Variants in GRIK4 observed in about 807,000 individuals in gnomAD.
GRIK4 encodes the protein glutamate receptor ionotropic, kainate 4.
GRIK4 carries 40 observed loss-of-function variants against 104.9 expected under a neutral mutation model. The observed-to-expected ratio is 0.38, with a 90% CI of 0.30 to 0.50. The LOEUF (loss-of-function observed/expected upper bound fraction) is 0.50, where lower values mean the gene tolerates loss of function less well. Ranked by LOEUF, GRIK4 falls within the 20% of genes least tolerant of loss-of-function variation. The probability of loss-of-function intolerance (pLI) is 0.93; values close to 1 mark genes in which losing one functional copy is unlikely to be tolerated. For missense variants in GRIK4, 1,047 were observed against 1,308.1 expected (o/e 0.80, Z 3.08); for synonymous variants, 485 against 524.9 (o/e 0.92, Z 1.04).
In GRIK4 at chr11:120,986,281, GCA is replaced by G. The variant is rs892076501; in HGVS notation, c.*22_*23del. Reference sequence around the variant, plus strand: ...AGTAGTCCCGGAGGCCACAGGACGCGCAGAGGCCGGGCGGGGCGGGAGGGGAG... The same window carrying G: ...AGTAGTCCCGGAGGCCACAGGACGCGGAGGCCGGGCGGGGCGGGAGGGGAG... On this transcript the variant is annotated 3_prime_UTR_variant, in exon 21 of 21. Coordinates refer to ENST00000527524, the MANE Select transcript of GRIK4 (RefSeq NM_014619.5). 4 of 1,417,536 alleles carry G rather than the reference GCA, an allele frequency of 2.8e-6. No homozygotes were observed. In the African/African-American group the frequency reaches 6.0e-5, roughly 21 times the overall value. The allele number at this position is 1,417,536 out of a possible 1,614,324, so 87.8% of individuals were successfully genotyped here.
chr11:120,634,862 C>T (rs1282721415), intron 1 of GRIK4, among the ~76,000 whole-genome samples: 1 of 152,170 alleles, frequency 6.6e-6, no homozygotes, highest in Non-Finnish European at 1.5e-5. Context: ...ATGTGACCTG[C>T]CTGCTACTTG....
chr11:120,813,418 T>A (rs1217591396), intron 4 of GRIK4, among the ~76,000 whole-genome samples: 1 of 152,032 alleles, frequency 6.6e-6, no homozygotes, highest in Non-Finnish European at 1.5e-5. Flanking sequence ...TTGGCTGAGG[T>A]CACATGAGAT....
intron 1 of GRIK4, among the ~76,000 whole-genome samples, chr11:120,518,449 A>T (rs553472699): frequency 6.6e-6 from 1 of 152,058 alleles, no homozygotes; most frequent in Non-Finnish European, 1.5e-5. Flanking sequence ...CAGCAAAGCT[A>T]TATATATTTT....
At chr11:120,822,024 A>G (rs754058082) in intron 6 of GRIK4, among the ~76,000 whole-genome samples, 1 of 152,062 alleles carries the variant, frequency 6.6e-6, no homozygotes, top group Non-Finnish European at 1.5e-5. Flanking sequence ...AGTCTGGCCA[A>G]TGTAGTAGAA....
chr11:120,669,701 A>C (rs10892594), intron 3 of GRIK4, among the ~76,000 whole-genome samples: 22,022 of 152,148 alleles, frequency 0.14, 1,719 homozygotes, highest in South Asian at 0.23. Context: ...TTGTTCTTGC[A>C]CTGTTTCTGG....
At chr11:120,774,922 C>T (rs558545744) in intron 3 of GRIK4, among the ~76,000 whole-genome samples, 9 of 152,246 alleles carry the variant, frequency 5.9e-5, no homozygotes, top group South Asian at 2.1e-4. Context: ...CCTACTGATG[C>T]GGCATGAGTG....
intron 1 of GRIK4, among the ~76,000 whole-genome samples, chr11:120,570,619 T>A (rs968843870): frequency 1.3e-5 from 2 of 152,142 alleles, no homozygotes; most frequent in Non-Finnish European, 2.9e-5. Context: ...CACACCTGGC[T>A]ATTTTTTTGT....
At chr11:120,634,526 G>A (rs7102128) in intron 1 of GRIK4, among the ~76,000 whole-genome samples, 84,508 of 151,680 alleles carry the variant, frequency 0.56, 24,700 homozygotes, top group African/African-American at 0.75. Context: ...CTTTCTGGAA[G>A]GAGCCCTCCC....
At chr11:120,536,156 G>C (rs1947971428) in intron 1 of GRIK4, among the ~76,000 whole-genome samples, 1 of 152,192 alleles carries the variant, frequency 6.6e-6, no homozygotes, top group South Asian at 2.1e-4. Flanking sequence ...AGAACAGAAA[G>C]GTAGATTAAA....
chr11:120,969,701 G>T (rs183967718), intron 19 of GRIK4, among the ~76,000 whole-genome samples: 2 of 152,132 alleles, frequency 1.3e-5, no homozygotes, highest in African/African-American at 4.8e-5. Context: ...AAAGAGCGCC[G>T]TCTCTCCTCC....
At chr11:120,622,985 T>C (rs1454413811) in intron 1 of GRIK4, among the ~76,000 whole-genome samples, 2 of 152,242 alleles carry the variant, frequency 1.3e-5, no homozygotes, top group East Asian at 3.8e-4. Context: ...GGGAGTTAGG[T>C]CATGTGGGTC....
At chr11:120,547,957 C>G (rs151245885) in intron 1 of GRIK4, among the ~76,000 whole-genome samples, 11 of 152,294 alleles carry the variant, frequency 7.2e-5, no homozygotes, top group Admixed American at 1.3e-4. Context: ...GTGGGCGGAG[C>G]TGCCCGGCCT....
At chr11:120,875,517 G>A (rs1954759826) in intron 11 of GRIK4, among the ~76,000 whole-genome samples, 1 of 152,154 alleles carries the variant, frequency 6.6e-6, no homozygotes, top group Non-Finnish European at 1.5e-5. Flanking sequence ...GGAATTCCCA[G>A]GGAGGATTTT....
At chr11:120,718,438 C>T (rs939402175) in intron 3 of GRIK4, among the ~76,000 whole-genome samples, 16 of 152,138 alleles carry the variant, frequency 1.1e-4, no homozygotes, top group East Asian at 3.9e-4. Context: ...CTTAGGCAGC[C>T]GCAAGTGGAT....
At chr11:120,978,309 A>G (rs1339193563) in intron 19 of GRIK4, among the ~76,000 whole-genome samples, 1 of 152,216 alleles carries the variant, frequency 6.6e-6, no homozygotes, top group East Asian at 1.9e-4. Flanking sequence ...AAAGTAGTAT[A>G]CCTAAAAGTC....
At chr11:120,824,553 C>CTT (rs763907708) in intron 6 of GRIK4, among the ~76,000 whole-genome samples, 96 of 128,892 alleles carry the variant, frequency 7.4e-4, no homozygotes, top group Non-Finnish European at 1.1e-3. Flanking sequence ...TTTTTCTTTT[C>CTT]TTTTTTTTTT....
chr11:120,956,378 A>G lies in GRIK4; in HGVS notation c.1701-402A>G, dbSNP rs1376420526. ...CACCATACCTGGCTAATTTTTTTGTATTTTTTAGTAGAGACGGGTTTTCGC... is the reference window on the plus strand; with the variant it reads ...CACCATACCTGGCTAATTTTTTTGTGTTTTTTAGTAGAGACGGGTTTTCGC... On this transcript the variant is annotated intron_variant, in intron 15 of 20. Transcript: ENST00000527524. The surrounding 1 kb of genome is among the most constrained non-coding windows in gnomAD (Gnocchi z 4.6). Among the ~76,000 whole-genome samples the G allele has an allele frequency of 6.6e-6, 1 of 151,386 alleles. No homozygotes were observed. Among genetic ancestry groups the G allele is most frequent in the African/African-American group, 2.4e-5 (1 of 41,204 alleles).
chr11:120,519,889 T>TTTTTTTTTTTTTTTTTTTTTTTTTTTTG (rs1555132646), intron 1 of GRIK4, among the ~76,000 whole-genome samples: 1 of 146,586 alleles, frequency 6.8e-6, no homozygotes. Context: ...TGTTTTTTTT[T>TTTTTTTTTTTTTTTTTTTTTTTTTTTTG]TTGTTGTTGT....
At chr11:120,957,496 T>A (rs764915416) in intron 16 of GRIK4, among the ~76,000 whole-genome samples, 1 of 152,084 alleles carries the variant, frequency 6.6e-6, no homozygotes, top group Non-Finnish European at 1.5e-5. Flanking sequence ...ATTCAATGTG[T>A]GGGAAAGCTC....
Sources: gnomAD v4.1 joint callset for allele counts (sites outside exome capture counted in the v4.1 genomes callset) on GRCh38, gnomAD v4.1.1 for gene constraint, Gnocchi (gnomAD v3.1) non-coding constraint, MANE v1.5 for transcripts, NCBI Gene and HGNC (gene_info 2026-07-23, HGNC 2026-07-21) for gene names.